Variants in MCF2L observed in about 807,000 individuals in gnomAD.
MCF2L encodes the protein guanine nucleotide exchange factor DBS.
MCF2L carries 97 observed loss-of-function variants against 153.4 expected under a neutral mutation model. That is an observed-to-expected ratio of 0.63 (90% confidence interval 0.54 to 0.75). The LOEUF is 0.75. Ranked by LOEUF, MCF2L falls within the 30% of genes least tolerant of loss-of-function variation. The pLI, the probability that MCF2L is intolerant of heterozygous loss-of-function variation, is 0.00. For missense variants in MCF2L, 1,347 were observed against 1,495.2 expected (o/e 0.90, Z 1.64); for synonymous variants, 659 against 632.2 (o/e 1.04, Z -0.64).
chr13:113,090,836 A>G (rs1456223160), intron 26 of MCF2L: 1 of 1,098,790 alleles, frequency 9.1e-7, no homozygotes, highest in Non-Finnish European at 1.1e-6. Context: ...CTGGTGCTGC[A>G]AACTCTGCTA....
At chr13:112,995,755 A>T (rs2083102211) in intron 1 of MCF2L, among the ~76,000 whole-genome samples, 1 of 151,924 alleles carries the variant, frequency 6.6e-6, no homozygotes, top group Non-Finnish European at 1.5e-5. Context: ...GCAGTGGGAG[A>T]GTGTGCCCTC....
intron 1 of MCF2L, among the ~76,000 whole-genome samples, chr13:113,007,204 G>A (rs1019267158): frequency 6.6e-6 from 1 of 152,226 alleles, no homozygotes; most frequent in Non-Finnish European, 1.5e-5. Context: ...GAGCCCGCCA[G>A]GTGTAGGGTG....
intron 1 of MCF2L, among the ~76,000 whole-genome samples, chr13:112,990,767 T>C (rs1395580711): frequency 1.3e-5 from 2 of 152,230 alleles, no homozygotes; most frequent in East Asian, 3.8e-4. Context: ...CAGCGTCTGC[T>C]CTGTGCCAGG....
intron 26 of MCF2L, among the ~76,000 whole-genome samples, chr13:113,092,886 G>C (rs2035338044): frequency 6.6e-6 from 1 of 152,258 alleles, no homozygotes; most frequent in South Asian, 2.1e-4. Context: ...GAATCCTTTT[G>C]TGTCTCTGGT....
rs941029917 is a variant in MCF2L, at chr13:113,070,588, G to A, written c.996+415G>A. Reference sequence around the variant, plus strand: ...ACGGCCAGTGCAGCCAGACCCAGACGTCTCCCTCCTGCGGCCCTTCGTGGA... The same window carrying A: ...ACGGCCAGTGCAGCCAGACCCAGACATCTCCCTCCTGCGGCCCTTCGTGGA... On this transcript the variant is annotated intron_variant, in intron 9 of 29. Transcript: ENST00000535094. The surrounding 1 kb of genome is among the most constrained non-coding windows in gnomAD (Gnocchi z 5.6). Among the ~76,000 whole-genome samples, 5 of 152,306 alleles carry A rather than the reference G, an allele frequency of 3.3e-5. No individual in the cohort carries two copies. The highest frequency in any genetic ancestry group is 7.2e-5 in the African/African-American group (3 of 41,560).
chr13:113,030,494 G>A (rs1292864445), intron 3 of MCF2L, among the ~76,000 whole-genome samples: 2 of 149,234 alleles, frequency 1.3e-5, no homozygotes, highest in Admixed American at 6.7e-5. Flanking sequence ...GCCGACGCCC[G>A]GTGTGGACTC....
intron 1 of MCF2L, among the ~76,000 whole-genome samples, chr13:113,000,629 G>T (rs577852206): frequency 2.6e-5 from 4 of 152,372 alleles, no homozygotes; most frequent in Non-Finnish European, 5.9e-5. Context: ...TCCAGCAAGC[G>T]TTTGGACCTG....
Position 112,904,972 on chromosome 13 carries a change from G to A in MCF2L, c.169+2601G>A, listed in dbSNP as rs1356806859. On this transcript the variant is annotated intron_variant, in intron 2 of 29. Coordinates refer to the MCF2L transcript ENST00000375608. The surrounding 1 kb of genome is among the most constrained non-coding windows in gnomAD (Gnocchi z 4.2). ...CATTTTAACTACTGTCAAGTGTAGA[G>A]TTCCCTGGTATGAAATATACTCACA... Among the ~76,000 whole-genome samples, 1 of 152,198 alleles carries A rather than the reference G, an allele frequency of 6.6e-6. No homozygotes were observed. Among genetic ancestry groups the A allele is most frequent in the Non-Finnish European group, 1.5e-5 (1 of 68,028 alleles).
chr13:113,056,634 G>A (rs1295884391), intron 4 of MCF2L, among the ~76,000 whole-genome samples: 2 of 149,416 alleles, frequency 1.3e-5, no homozygotes, highest in Non-Finnish European at 3.0e-5. Flanking sequence ...GTGTTTGGGT[G>A]CTGTGTGTTT....
chr13:113,063,625 CAG>C (rs980631691), intron 5 of MCF2L, among the ~76,000 whole-genome samples: 1 of 152,178 alleles, frequency 6.6e-6, no homozygotes, highest in Non-Finnish European at 1.5e-5. Flanking sequence ...AGGTTTAGCT[CAG>C]GGGTTATTTG....
intron 1 of MCF2L, among the ~76,000 whole-genome samples, chr13:112,898,048 A>C (rs73571087): frequency 0.24 from 37,079 of 152,142 alleles, 4,708 homozygotes; most frequent in African/African-American, 0.3. Flanking sequence ...AAGGTCTCCC[A>C]GCTCCCCCTG....
intron 1 of MCF2L, among the ~76,000 whole-genome samples, chr13:112,895,698 AAGCTGAC>A (rs2081060550): frequency 6.6e-6 from 1 of 152,094 alleles, no homozygotes; most frequent in Non-Finnish European, 1.5e-5. Context: ...ACTCTGGGGC[AAGCTGAC>A]AGCTAGGTGG....
At chr13:112,985,205 G>A in intron 1 of MCF2L, 2 of 351,284 alleles carry the variant, frequency 5.7e-6, no homozygotes, top group Non-Finnish European at 1.1e-5. Flanking sequence ...CGGCCTCCAG[G>A]AGGGTAATTG....
chr13:113,087,297 C>T lies in MCF2L; in HGVS notation c.2436C>T (p.His812=), dbSNP rs1220888118. The T allele has an allele frequency of 5.6e-6, 9 of 1,613,220 alleles. No individual in the cohort carries two copies. The highest frequency in any genetic ancestry group is 1.1e-5 in the South Asian group (1 of 91,080). ...MQGSFSVWTD[H]KRGHTKVKEL... ...GCTCGTTCAGCGTCTGGACCGACCACAAGAGGGGCCACACCAAGGTGAAGG... is the reference window on the plus strand; with the variant it reads ...GCTCGTTCAGCGTCTGGACCGACCATAAGAGGGGCCACACCAAGGTGAAGG... The change falls in exon 22 of 30, where the codon CAC becomes CAT. Residue 812 remains histidine (H), a synonymous_variant. Transcript: ENST00000535094.
In MCF2L at chr13:113,070,414, A is replaced by C. The variant is rs560525536; in HGVS notation, c.996+241A>C. On this transcript the variant is annotated intron_variant, in intron 9 of 29. Coordinates refer to ENST00000535094, the MANE Select transcript of MCF2L (RefSeq NM_001112732.3). The surrounding 1 kb of genome is among the most constrained non-coding windows in gnomAD (Gnocchi z 5.6). ...ATTGAAAATCAGCTCACTGGGATGC[A>C]CTTACACTGCATTATTCGTAAAGTA... 3.6e-5 allele frequency: 12 copies of C among 333,732 alleles called. No homozygotes were observed. The highest frequency in any genetic ancestry group is 2.6e-4 in the Admixed American group (5 of 18,980). The allele number at this position is 333,732 out of a possible 1,614,324, so 20.7% of individuals were successfully genotyped here.
At position 113,089,711 on chromosome 13, in the gene MCF2L, C is replaced by T. The variant is rs1189406318; in HGVS notation, c.2936C>T (p.Pro979Leu). The change falls in exon 26 of 30, where the codon CCC becomes CTC. Residue 979 changes from proline to leucine, a missense_variant. By Grantham distance (98) the Pro-to-Leu change is moderately conservative. Coordinates refer to ENST00000535094, the MANE Select transcript of MCF2L (RefSeq NM_001112732.3). ...GYVSSAPLTK[P>L]PEKGKGWSKT... ...GTCAGCTCAGCGCCACTGACAAAGC[C>T]CCCCGAAAAGGGCAAAGGTGGGTAT... 6.2e-7 allele frequency: 1 copy of T among 1,613,770 alleles called. No homozygotes were observed. Among genetic ancestry groups the T allele is most frequent in the Non-Finnish European group, 8.5e-7 (1 of 1,179,950 alleles).
intron 1 of MCF2L, chr13:113,009,031 CAGAGG>C (rs2083906471): frequency 6.6e-6 from 1 of 152,338 alleles, no homozygotes; most frequent in Admixed American, 6.5e-5. Context: ...AGACGACCCC[CAGAGG>C]AGATTGGCCA....
At chr13:112,902,941 T>C (rs188368807) in intron 2 of MCF2L, among the ~76,000 whole-genome samples, 2 of 152,182 alleles carry the variant, frequency 1.3e-5, no homozygotes, top group Non-Finnish European at 2.9e-5. Flanking sequence ...AATGCTTCTC[T>C]CTCCAGCCCC....
intron 2 of MCF2L, chr13:112,917,491 G>A (rs1325878468): frequency 9.7e-6 from 3 of 308,438 alleles, no homozygotes; most frequent in Non-Finnish European, 1.9e-5. Context: ...CCCCACCGCC[G>A]TCTCGCAGAA....
Sources: allele counts gnomAD v4.1 joint callset (sites outside exome capture counted in the v4.1 genomes callset), GRCh38; gene constraint gnomAD v4.1.1; non-coding constraint Gnocchi (gnomAD v3.1); transcripts MANE v1.5; gene names NCBI Gene and HGNC (gene_info 2026-07-23, HGNC 2026-07-21).